PRKCH: variants seen among roughly 807,000 people sequenced by gnomAD.
PRKCH encodes the protein protein kinase C eta, also known as protein kinase C eta type.
PRKCH carries 28 observed loss-of-function variants against 82.5 expected under a neutral mutation model. That is an observed-to-expected ratio of 0.34 (90% CI 0.25 to 0.47). PRKCH has a LOEUF of 0.47. Ranked by LOEUF, PRKCH falls within the 20% of genes least tolerant of loss-of-function variation. The pLI is 1.00. For synonymous variants in PRKCH, 322 were observed against 327.4 expected (o/e 0.98, Z 0.18); for missense variants, 705 against 881.8 (o/e 0.80, Z 2.54).
At chr14:61,302,780 A>C (rs746410004) in intron 1 of PRKCH, among the ~76,000 whole-genome samples, 2 of 152,142 alleles carry the variant, frequency 1.3e-5, no homozygotes, top group African/African-American at 2.4e-5. Flanking sequence ...ATTAAGCCAC[A>C]TTTTATATTT....
chr14:61,220,511 T>C (rs1225898926), intron 1 of PRKCH, among the ~76,000 whole-genome samples: 1 of 152,146 alleles, frequency 6.6e-6, no homozygotes, highest in Non-Finnish European at 1.5e-5. Context: ...AAGGATACAC[T>C]GGGACAGTGA....
At chr14:61,406,030 G>C (rs1342786484) in intron 2 of PRKCH, among the ~76,000 whole-genome samples, 1 of 152,188 alleles carries the variant, frequency 6.6e-6, no homozygotes, top group Non-Finnish European at 1.5e-5. Context: ...GACCCAGTCT[G>C]AATGAGAATC....
At chr14:61,290,226 A>G (rs1010879963) in intron 1 of PRKCH, among the ~76,000 whole-genome samples, 2 of 151,702 alleles carry the variant, frequency 1.3e-5, no homozygotes, top group African/African-American at 4.8e-5. Flanking sequence ...TGGGAGGCGG[A>G]GGTTGCAGTG....
chr14:61,327,059 GCC>G, intron 1 of PRKCH: 1 of 455,882 alleles, frequency 2.2e-6, no homozygotes, highest in East Asian at 6.9e-5. Flanking sequence ...AGACCTTGGC[GCC>G]CCCTCAGGAA....
Position 61,280,058 on chromosome 14 carries a change from G to C in PRKCH, c.-19+92390G>C, listed in dbSNP as rs775769330. On this transcript the variant is annotated intron_variant, in intron 1 of 3. Coordinates refer to the PRKCH transcript ENST00000555185. The surrounding 1 kb of genome is among the most constrained non-coding windows in gnomAD (Gnocchi z 5.0). ...CCAAAAGCACCTTGCAAGAGTTTTG[G>C]CAAGAAGCAGGAGGGATCCCTGGAA... The C allele has an allele frequency of 2.6e-6, 4 of 1,543,392 alleles. No homozygotes were observed. Among genetic ancestry groups the C allele is most frequent in the Admixed American group, 2.0e-5 (1 of 50,492 alleles).
At chr14:61,484,629 C>T (rs1332074698) in intron 9 of PRKCH, among the ~76,000 whole-genome samples, 1 of 152,062 alleles carries the variant, frequency 6.6e-6, no homozygotes, top group Non-Finnish European at 1.5e-5. Context: ...TCCACTTTTA[C>T]CTGCTAGGTT....
intron 9 of PRKCH, among the ~76,000 whole-genome samples, chr14:61,471,277 G>C (rs1450623438): frequency 6.6e-6 from 1 of 152,218 alleles, no homozygotes; most frequent in Non-Finnish European, 1.5e-5. Context: ...GAGTGGCCAG[G>C]GTTCTGGCCG....
intron 1 of PRKCH, among the ~76,000 whole-genome samples, chr14:61,382,809 G>T (rs1329725937): frequency 1.3e-5 from 2 of 152,298 alleles, no homozygotes; most frequent in African/African-American, 4.8e-5. Context: ...TGAAATGAAT[G>T]TTATGTAGCT....
chr14:61,512,211 A>G (rs1247451766), intron 10 of PRKCH, among the ~76,000 whole-genome samples: 3 of 147,840 alleles, frequency 2.0e-5, no homozygotes, highest in Non-Finnish European at 4.5e-5. Flanking sequence ...AGGATTTCAT[A>G]TACTACATCC....
intron 10 of PRKCH, among the ~76,000 whole-genome samples, chr14:61,521,422 A>T (rs1160431116): frequency 2.0e-5 from 3 of 152,174 alleles, no homozygotes; most frequent in African/African-American, 7.2e-5. Context: ...GCAGCAACCA[A>T]TATCTTTGTA....
Position 61,443,115 on chromosome 14 carries a change from T to C in PRKCH, c.432T>C (p.Thr144=). 1 of 1,613,308 alleles carries C rather than the reference T, an allele frequency of 6.2e-7. No homozygotes were observed. The highest frequency in any genetic ancestry group is 8.5e-7 in the Non-Finnish European group (1 of 1,179,506). Residue 144 remains threonine (T), a synonymous_variant, in exon 3 of 14, where the codon ACT becomes ACC. Coordinates refer to ENST00000332981, the MANE Select transcript of PRKCH (RefSeq NM_006255.5). ...TTCCTTCCTTTTAATATATAGCTAC[T>C]CTCCAGAGAGACCGGATCTTCAAAC... ...ITLTGSFTEA[T]LQRDRIFKHF...
At chr14:61,275,444 T>G (rs1393655749) in intron 1 of PRKCH, among the ~76,000 whole-genome samples, 1 of 152,206 alleles carries the variant, frequency 6.6e-6, no homozygotes, top group East Asian at 1.9e-4. Context: ...TCATCGGTAA[T>G]GTAAGGCTTC....
At chr14:61,485,948 G>A (rs1332667798) in intron 10 of PRKCH, among the ~76,000 whole-genome samples, 3 of 152,022 alleles carry the variant, frequency 2.0e-5, no homozygotes, top group Non-Finnish European at 4.4e-5. Context: ...TTTATTTTTT[G>A]TAGAGACAGG....
At chr14:61,420,331 C>T (rs1290306154) in intron 2 of PRKCH, among the ~76,000 whole-genome samples, 1 of 152,100 alleles carries the variant, frequency 6.6e-6, no homozygotes, top group East Asian at 1.9e-4. Flanking sequence ...CCTCCTTTTT[C>T]CTCCCTTAGA....
chr14:61,495,237 T>G (rs1170307025), intron 10 of PRKCH, among the ~76,000 whole-genome samples: 1 of 152,230 alleles, frequency 6.6e-6, no homozygotes, highest in Non-Finnish European at 1.5e-5. Context: ...TGGGACACCT[T>G]GATCATTTTT....
chr14:61,233,393 AAAAAAAG>A lies in PRKCH; in HGVS notation c.-19+45732_-19+45738del, dbSNP rs1594865197. Among the ~76,000 whole-genome samples, 3 of 151,150 alleles carry A rather than the reference AAAAAAAG, an allele frequency of 2.0e-5. No homozygotes were observed. In the East Asian group the frequency reaches 5.9e-4, roughly 30 times the overall value. On this transcript the variant is annotated intron_variant, in intron 1 of 3. Coordinates refer to the PRKCH transcript ENST00000555185. ...GTGATAGAGAGAGACCTTGTCTCAAAAAAAAAGAAAAAAAGAAAAAGAAAAAAAAGCC... is the reference window on the plus strand; with the variant it reads ...GTGATAGAGAGAGACCTTGTCTCAAAAAAAAAAGAAAAAGAAAAAAAAGCC...
intron 1 of PRKCH, among the ~76,000 whole-genome samples, chr14:61,314,557 C>T (rs151258414): frequency 2.5e-3 from 382 of 152,304 alleles, no homozygotes; most frequent in Non-Finnish European, 4.4e-3. Context: ...GTGTTACTAA[C>T]TTGATTGCTT....
chr14:61,334,625 A>C (rs2045830855), intron 1 of PRKCH, among the ~76,000 whole-genome samples: 1 of 152,180 alleles, frequency 6.6e-6, no homozygotes, highest in South Asian at 2.1e-4. Context: ...AGGGTGGCAG[A>C]AAGAGAGTCG....
chr14:61,308,144 G>T (rs1447993735), intron 1 of PRKCH, among the ~76,000 whole-genome samples: 1 of 152,134 alleles, frequency 6.6e-6, no homozygotes, highest in Admixed American at 6.5e-5. Flanking sequence ...CTGGCCCCAG[G>T]TAATTTGAAA....
Sources: allele counts gnomAD v4.1 joint callset (sites outside exome capture counted in the v4.1 genomes callset), GRCh38; gene constraint gnomAD v4.1.1; non-coding constraint Gnocchi (gnomAD v3.1); transcripts MANE v1.5; gene names NCBI Gene and HGNC (gene_info 2026-07-23, HGNC 2026-07-21).